Variants in PKIA observed in about 807,000 individuals in gnomAD.
PKIA encodes PKI-alpha.
In PKIA, 4 loss-of-function variants were observed where a neutral mutation model predicts 7.6. The observed-to-expected ratio is 0.52, with a 90% CI of 0.26 to 1.20. PKIA has a LOEUF of 1.20. PKIA is among the 50% of genes most tolerant of loss of function. The probability of loss-of-function intolerance (pLI) is 0.13; values close to 1 mark genes in which losing one functional copy is unlikely to be tolerated. For missense variants in PKIA, 73 were observed against 86.2 expected (o/e 0.85, Z 0.61); for synonymous variants, 21 against 30.7 (o/e 0.68, Z 1.04).
intron 1 of PKIA, among the ~76,000 whole-genome samples, chr8:78,528,674 A>T (rs1806310814): frequency 6.6e-6 from 1 of 151,604 alleles, no homozygotes; most frequent in South Asian, 2.1e-4. Flanking sequence ...AAAAAAAAAA[A>T]AAAATTACAA....
intron 1 of PKIA, among the ~76,000 whole-genome samples, chr8:78,532,667 G>A (rs1042466464): frequency 3.9e-5 from 6 of 152,044 alleles, no homozygotes; most frequent in African/African-American, 7.2e-5. Context: ...AGCACTTTGG[G>A]AGGCTAAGGC....
chr8:78,575,605 C>T (rs574177317), intron 2 of PKIA, among the ~76,000 whole-genome samples: 4 of 152,060 alleles, frequency 2.6e-5, no homozygotes, highest in South Asian at 2.1e-4. Flanking sequence ...CTATTATACA[C>T]GTGCAAGATT....
At chr8:78,543,320 A>G (rs528357822) in intron 1 of PKIA, among the ~76,000 whole-genome samples, 4 of 152,208 alleles carry the variant, frequency 2.6e-5, no homozygotes, top group African/African-American at 9.6e-5. Context: ...CTGTCTTTTG[A>G]CAGAGGTCAT....
chr8:78,596,686 T>C (rs76723346), intron 2 of PKIA, among the ~76,000 whole-genome samples: 6,960 of 152,352 alleles, frequency 0.046, 248 homozygotes, highest in Middle Eastern at 0.065. Flanking sequence ...GTCCCATTTG[T>C]CAATTTTTGC....
chr8:78,519,106 T>C (rs766532159), intron 1 of PKIA, among the ~76,000 whole-genome samples: 1 of 151,634 alleles, frequency 6.6e-6, no homozygotes, highest in Non-Finnish European at 1.5e-5. Context: ...AATGATTAGA[T>C]ACTAAATGAA....
intron 1 of PKIA, among the ~76,000 whole-genome samples, chr8:78,548,243 A>G (rs1806884741): frequency 6.6e-6 from 1 of 152,134 alleles, no homozygotes; most frequent in South Asian, 2.1e-4. Context: ...GCAGAACACA[A>G]TTAGGGAATA....
chr8:78,599,419 C>T (rs1490239072), intron 3 of PKIA, among the ~76,000 whole-genome samples: 1 of 151,848 alleles, frequency 6.6e-6, no homozygotes, highest in Non-Finnish European at 1.5e-5. Flanking sequence ...AAGGTAAAAC[C>T]TTTAGATTAT....
intron 2 of PKIA, among the ~76,000 whole-genome samples, chr8:78,594,197 T>C (rs1808173382): frequency 6.6e-6 from 1 of 152,166 alleles, no homozygotes; most frequent in African/African-American, 2.4e-5. Context: ...AAGATGGTGT[T>C]TGACTGAGTT....
intron 1 of PKIA, chr8:78,534,816 T>C (rs545524173): frequency 6.6e-6 from 1 of 152,302 alleles, no homozygotes; most frequent in Admixed American, 6.5e-5. Flanking sequence ...TAGACTATTC[T>C]TTGGGATTTG....
At chr8:78,595,236 T>C (rs1277688761) in intron 2 of PKIA, among the ~76,000 whole-genome samples, 5 of 152,074 alleles carry the variant, frequency 3.3e-5, no homozygotes, top group Admixed American at 1.3e-4. Context: ...CATAAAGTAG[T>C]GGGTAACTGA....
At chr8:78,541,665 T>G (rs1480483959) in intron 1 of PKIA, among the ~76,000 whole-genome samples, 1 of 152,150 alleles carries the variant, frequency 6.6e-6, no homozygotes. Context: ...TTTTTCTGGA[T>G]AGTCCACAAT....
chr8:78,524,372 G>C (rs932610752), intron 1 of PKIA, among the ~76,000 whole-genome samples: 1 of 151,026 alleles, frequency 6.6e-6, no homozygotes, highest in Non-Finnish European at 1.5e-5. Flanking sequence ...AATAAATTGT[G>C]ACAAGTCACT....
At chr8:78,530,965 A>G (rs1413502935) in intron 1 of PKIA, among the ~76,000 whole-genome samples, 1 of 152,098 alleles carries the variant, frequency 6.6e-6, no homozygotes, top group African/African-American at 2.4e-5. Flanking sequence ...TGCTTCTGAA[A>G]TATCACCACT....
intron 2 of PKIA, 135 bp from the exon 3 acceptor site, chr8:78,598,223 G>T: frequency 2.3e-6 from 1 of 431,130 alleles, no homozygotes; most frequent in Non-Finnish European, 4.1e-6. Context: ...AAATACTTAG[G>T]ACCAGAAAAG....
intron 1 of PKIA, among the ~76,000 whole-genome samples, chr8:78,528,891 CAT>C (rs771947404): frequency 6.6e-5 from 10 of 151,868 alleles, no homozygotes; most frequent in Non-Finnish European, 1.0e-4. Context: ...GTTATATACT[CAT>C]ATTTCATATA....
rs146791381 is a variant in PKIA at position 78,603,548 on chromosome 8, T to A, written c.*1727T>A. 2.4e-4 allele frequency: 37 copies of A among 152,066 alleles called. No homozygotes were observed. Among genetic ancestry groups the A allele is most frequent in the Non-Finnish European group, 5.2e-4 (35 of 67,934 alleles). 9.4% of individuals were successfully genotyped at this position (152,066 alleles called of 1,614,324 possible). Reference sequence around the variant, plus strand: ...TTCCGAGAGCAGAACGAGGAAAGATTAAATTTTAGAATGCTTCCTTCTGTC... The same window carrying A: ...TTCCGAGAGCAGAACGAGGAAAGATAAAATTTTAGAATGCTTCCTTCTGTC... On this transcript the variant is annotated 3_prime_UTR_variant, in exon 4 of 4. Coordinates refer to ENST00000396418, the MANE Select transcript of PKIA (RefSeq NM_006823.4).
chr8:78,531,871 A>G (rs573253597), intron 1 of PKIA, among the ~76,000 whole-genome samples: 4 of 152,266 alleles, frequency 2.6e-5, no homozygotes, highest in African/African-American at 9.6e-5. Flanking sequence ...ATGAAGTTCA[A>G]TTTAAGGACT....
At chr8:78,533,330 C>T (rs150418959) in intron 1 of PKIA, among the ~76,000 whole-genome samples, 110 of 152,272 alleles carry the variant, frequency 7.2e-4, no homozygotes, top group African/African-American at 2.3e-3. Context: ...TTAACACTGA[C>T]TTGATTATTC....
rs1808416614 is a variant in PKIA at position 78,604,007 on chromosome 8, T to C, written c.*2186T>C. ...TCTGCTATATTCAAACCCAAAGGCA[T>C]TCCCAAGCTAGGGAGATAAAAATTA... On this transcript the variant is annotated 3_prime_UTR_variant, in exon 4 of 4. Coordinates refer to ENST00000396418, the MANE Select transcript of PKIA (RefSeq NM_006823.4). 2 of 152,152 alleles carry C rather than the reference T, an allele frequency of 1.3e-5. No homozygotes were observed. The highest frequency in any genetic ancestry group is 4.8e-5 in the African/African-American group (2 of 41,552). 9.4% of individuals were successfully genotyped at this position (152,152 alleles called of 1,614,324 possible). A position where few individuals can be genotyped will look rare whatever the true frequency, so the allele number is the denominator to read the frequency against.
Sources: gnomAD v4.1 joint callset for allele counts (sites outside exome capture counted in the v4.1 genomes callset) on GRCh38, gnomAD v4.1.1 for gene constraint, MANE v1.5 for transcripts, NCBI Gene and HGNC (gene_info 2026-07-23, HGNC 2026-07-21) for gene names.